The following DPYD variants were observed in gnomAD, a reference collection of about 807,000 sequenced individuals.
DPYD encodes the protein dihydropyrimidine dehydrogenase.
A neutral mutation model predicts 116.2 loss-of-function variants in DPYD; 109 were observed. The observed-to-expected ratio is 0.94, with a 90% CI of 0.80 to 1.10. DPYD has a LOEUF of 1.10. Ranked by LOEUF, DPYD falls within the 50% of genes least tolerant of loss-of-function variation. The pLI is 0.00. For synonymous variants in DPYD, 440 were observed against 432.0 expected (o/e 1.02, Z -0.23); for missense variants, 1,302 against 1,254.5 (o/e 1.04, Z -0.57).
chr1:97,279,936 A>T (rs950420230), intron 18 of DPYD: 1 of 152,210 alleles, frequency 6.6e-6, no homozygotes, highest in African/African-American at 2.4e-5. Flanking sequence ...CCATTCATCC[A>T]CTGATCCCTT....
intron 1 of DPYD, among the ~76,000 whole-genome samples, chr1:97,912,024 C>T (rs183588883): frequency 1.8e-4 from 27 of 152,216 alleles, no homozygotes; most frequent in African/African-American, 6.3e-4. Flanking sequence ...AAGGGAACTA[C>T]ATCCAGATGC....
chr1:97,280,616 C>G (rs544413292), intron 18 of DPYD, among the ~76,000 whole-genome samples: 7 of 151,906 alleles, frequency 4.6e-5, no homozygotes, highest in African/African-American at 1.7e-4. Context: ...CAGGGTATTA[C>G]GTTAAGTGAA....
At chr1:97,568,137 G>T in intron 11 of DPYD, among the ~76,000 whole-genome samples, 1 of 151,466 alleles carries the variant, frequency 6.6e-6, no homozygotes, top group Admixed American at 6.6e-5. Context: ...CAAATATATT[G>T]AACAATTTCT....
chr1:97,711,536 A>T (rs776217105), intron 5 of DPYD, among the ~76,000 whole-genome samples: 5 of 151,968 alleles, frequency 3.3e-5, no homozygotes, highest in Non-Finnish European at 7.4e-5. Context: ...ATTGTAAGTC[A>T]GGGACTATAA....
At chr1:97,641,836 T>C (rs1270292573) in intron 8 of DPYD, among the ~76,000 whole-genome samples, 1 of 152,210 alleles carries the variant, frequency 6.6e-6, no homozygotes, top group Non-Finnish European at 1.5e-5. Context: ...GACATGATTG[T>C]ATATTTAGAA....
At chr1:97,480,928 C>A (rs370616096) in intron 13 of DPYD, among the ~76,000 whole-genome samples, 1 of 151,688 alleles carries the variant, frequency 6.6e-6, no homozygotes, top group South Asian at 2.1e-4. Context: ...TGCAGTGAGC[C>A]GAGATCATGC....
intron 8 of DPYD, among the ~76,000 whole-genome samples, chr1:97,620,224 A>T (rs1425507674): frequency 1.3e-5 from 2 of 152,058 alleles, no homozygotes; most frequent in Non-Finnish European, 2.9e-5. Flanking sequence ...TTTTAAAAAA[A>T]ATTTTTTTGA....
chr1:97,290,496 C>A (rs2100981012), intron 18 of DPYD, among the ~76,000 whole-genome samples: 1 of 152,100 alleles, frequency 6.6e-6, no homozygotes, highest in East Asian at 1.9e-4. Context: ...AGATATAGAT[C>A]AATGGAACAG....
chr1:97,636,560 G>T (rs1378591029), intron 8 of DPYD, among the ~76,000 whole-genome samples: 1 of 152,068 alleles, frequency 6.6e-6, no homozygotes, highest in Non-Finnish European at 1.5e-5. Context: ...AGGATTACTT[G>T]CATTTGCCAT....
intron 18 of DPYD, among the ~76,000 whole-genome samples, chr1:97,240,145 A>G (rs1266220451): frequency 6.6e-6 from 1 of 151,948 alleles, no homozygotes; most frequent in African/African-American, 2.4e-5. Flanking sequence ...CTCTTTTCCT[A>G]ACAGCTGTCA....
chr1:97,628,103 A>G (rs1657041252), intron 8 of DPYD, among the ~76,000 whole-genome samples: 2 of 151,952 alleles, frequency 1.3e-5, no homozygotes, highest in Non-Finnish European at 2.9e-5. Flanking sequence ...ATGTTGGGGG[A>G]AAGGGAAAGG....
chr1:97,716,692 TCAATAAA>T (rs1204789053), intron 5 of DPYD, among the ~76,000 whole-genome samples: 1 of 152,000 alleles, frequency 6.6e-6, no homozygotes, highest in Non-Finnish European at 1.5e-5. Flanking sequence ...AGATGAATGG[TCAATAAA>T]CAGATGAGAA....
intron 19 of DPYD, among the ~76,000 whole-genome samples, chr1:97,208,746 G>A (rs1659837595): frequency 6.6e-6 from 1 of 152,118 alleles, no homozygotes; most frequent in African/African-American, 2.4e-5. Flanking sequence ...GTTGACTGAA[G>A]CAGCCTGAGG....
intron 5 of DPYD, among the ~76,000 whole-genome samples, chr1:97,705,254 G>A (rs995067593): frequency 2.0e-5 from 3 of 151,918 alleles, no homozygotes; most frequent in African/African-American, 4.8e-5. Context: ...CTAGCATTAG[G>A]TATATCTCCT....
intron 20 of DPYD, among the ~76,000 whole-genome samples, chr1:97,166,151 A>T (rs757815389): frequency 6.6e-6 from 1 of 152,204 alleles, no homozygotes; most frequent in Non-Finnish European, 1.5e-5. Context: ...TCATTACAAC[A>T]CTATTTACAA....
At chr1:97,422,504 G>A (rs1674644780) in intron 14 of DPYD, among the ~76,000 whole-genome samples, 1 of 152,142 alleles carries the variant, frequency 6.6e-6, no homozygotes, top group African/African-American at 2.4e-5. Flanking sequence ...GAGAGGTAAA[G>A]TAGAGTAACC....
chr1:97,117,380 C>A (rs1283278374), intron 20 of DPYD, among the ~76,000 whole-genome samples: 1 of 152,168 alleles, frequency 6.6e-6, no homozygotes, highest in Non-Finnish European at 1.5e-5. Flanking sequence ...CGTTTCAGAA[C>A]CATATGCTAA....
intron 12 of DPYD, among the ~76,000 whole-genome samples, chr1:97,540,510 G>T (rs1650368098): frequency 6.6e-6 from 1 of 152,164 alleles, no homozygotes; most frequent in Non-Finnish European, 1.5e-5. Context: ...AGAAGCTTCT[G>T]TCCCTGTGGA....
At chr1:97,318,443 A>G (rs1668003629) in intron 16 of DPYD, among the ~76,000 whole-genome samples, 1 of 150,518 alleles carries the variant, frequency 6.6e-6, no homozygotes, top group Non-Finnish European at 1.5e-5. Flanking sequence ...AGTCTCTGAT[A>G]AAACAGATTG....
Sources: gnomAD v4.1 joint callset for allele counts (sites outside exome capture counted in the v4.1 genomes callset) on GRCh38, gnomAD v4.1.1 for gene constraint, MANE v1.5 for transcripts, NCBI Gene and HGNC (gene_info 2026-07-23, HGNC 2026-07-21) for gene names.